PRSS8: variants seen among roughly 807,000 people sequenced by gnomAD.
The protein encoded by PRSS8 is serine protease 8.
A neutral mutation model predicts 26.7 loss-of-function variants in PRSS8; 11 were observed. That is an observed-to-expected ratio of 0.41 (90% CI 0.26 to 0.68). PRSS8 has a LOEUF of 0.68. Ranked by LOEUF, PRSS8 falls within the 30% of genes least tolerant of loss-of-function variation. PRSS8 has a pLI of 0.30. For missense variants in PRSS8, 362 were observed against 443.5 expected, an observed-to-expected ratio of 0.82 and a Z score of 1.65; for synonymous variants, 183 against 187.0, an observed-to-expected ratio of 0.98 and a Z score of 0.17.
Position 31,132,836 on chromosome 16 carries a change from CTGG to C in PRSS8, c.381_383del (p.Gln128del). 1.2e-6 allele frequency: 2 copies of C among 1,613,822 alleles called. No homozygotes were observed. The highest frequency in any genetic ancestry group is 1.7e-6 in the Non-Finnish European group (2 of 1,179,814). On this transcript the variant is annotated inframe_deletion, in exon 4 of 6. Transcript: ENST00000317508. This position sits in a 1 kb window ranked among gnomAD's most constrained non-coding sequence, Gnocchi z 5.2. ...GTGCAATGTCGCCCTGGGAGCCCTC[CTGG>C]AGGTAGCTGGGGTGGGGGATGATGT...
Position 31,132,526 on chromosome 16 carries a change from C to T in PRSS8, c.608G>A (p.Cys203Tyr). ...AGGCTTGGCGTCGATGTTGTACAGG[C>T]AGTTACACGTCTCACGACTGATCAG... is the stretch of plus-strand genomic sequence containing the variant. ...VPLISRETCNCLYNIDAKPEE... is the reference protein window; with the variant it reads ...VPLISRETCNYLYNIDAKPEE... Residue 203 changes from cysteine to tyrosine, a missense_variant, in exon 5 of 6, where the codon TGC (cysteine) becomes TAC (tyrosine). Transcript: ENST00000317508. The surrounding 1 kb of genome is among the most constrained non-coding windows in gnomAD (Gnocchi z 5.2). The T allele has an allele frequency of 6.2e-7, 1 of 1,614,052 alleles. No homozygotes were observed.
At position 31,133,232 on chromosome 16, in the gene PRSS8, A is replaced by G; in HGVS notation, c.260T>C (p.Phe87Ser). 1 of 1,613,894 alleles carries G rather than the reference A, an allele frequency of 6.2e-7. No homozygotes were observed. Among genetic ancestry groups the G allele is most frequent in the Non-Finnish European group, 8.5e-7 (1 of 1,179,872 alleles). The change falls in exon 3 of 6, where the codon TTC becomes TCC. Residue 87 changes from phenylalanine (F) to serine (S), a missense_variant. Physicochemically the swap from Phe to Ser is radical, Grantham distance 155 (BLOSUM62 -2). Transcript: ENST00000317508. The surrounding 1 kb of genome is among the most constrained non-coding windows in gnomAD (Gnocchi z 4.7). Reference protein sequence around the residue: ...EQWVLSAAHCFPSEHHKEAYE... With the variant: ...EQWVLSAAHCSPSEHHKEAYE... Reference sequence around the variant, plus strand: ...GACTTTCACCATTTGGTACCTGGGGAAGCAGTGAGCAGCTGACAGCACCCA... The same window carrying G: ...GACTTTCACCATTTGGTACCTGGGGGAGCAGTGAGCAGCTGACAGCACCCA...
chr16:31,133,072 C>T lies in PRSS8; in HGVS notation c.267-119G>A, dbSNP rs1235933814. ...GTCTCAAATTGCACCTTAGTTTTAT[C>T]ATGTAACCTCTGACCCCTCACCTTC... On this transcript the variant is annotated intron_variant, in intron 3 of 5. Coordinates refer to ENST00000317508, the MANE Select transcript of PRSS8 (RefSeq NM_002773.5). The surrounding 1 kb of genome is among the most constrained non-coding windows in gnomAD (Gnocchi z 4.7). The T allele has an allele frequency of 3.8e-6, 6 of 1,576,312 alleles. No homozygotes were observed. In the South Asian group the frequency reaches 6.7e-5, roughly 18 times the overall value.
intron 2 of PRSS8, 196 bp downstream of exon 2, chr16:31,134,958 T>G (rs2057597815): frequency 1.6e-6 from 1 of 643,598 alleles, no homozygotes; most frequent in Admixed American, 3.0e-5. Flanking sequence ...CAGCTGCACC[T>G]TCACTGGCAG....
rs781534380 is a variant in PRSS8 at position 31,135,197 on chromosome 16, G to A, written c.86-26C>T. The A allele has an allele frequency of 4.3e-6, 7 of 1,612,628 alleles. No homozygotes were observed. The African/African-American group carries it at 5.3e-5, about 12-fold the overall frequency. On this transcript the variant is annotated intron_variant, in intron 1 of 5. Coordinates refer to ENST00000317508, the MANE Select transcript of PRSS8 (RefSeq NM_002773.5). ...CTAGAAAGAAAGAGAAAGAGGAGGG[G>A]TGAGTAGGGAAGACTCGGGTTCCCT...
chr16:31,131,924 T>A lies in PRSS8; in HGVS notation c.*85A>T. On this transcript the variant is annotated 3_prime_UTR_variant, in exon 6 of 6. Transcript: ENST00000317508. The stretch of plus-strand genomic sequence containing the variant: ...GTCCTGAAGGAAGGAGTGGCTCAAG[T>A]CAGGCCCTGGGTCCAAAGGCCATCA... 7.2e-7 allele frequency: 1 copy of A among 1,396,154 alleles called. No individual in the cohort carries two copies. Among genetic ancestry groups the A allele is most frequent in the Non-Finnish European group, 9.5e-7 (1 of 1,051,912 alleles). 86.5% of individuals were successfully genotyped at this position (1,396,154 alleles called of 1,614,324 possible). A position where few individuals can be genotyped will look rare whatever the true frequency, so the allele number is the denominator to read the frequency against.
chr16:31,132,610 G>A lies in PRSS8; in HGVS notation c.539-15C>T. The A allele has an allele frequency of 3.1e-6, 5 of 1,613,838 alleles. No homozygotes were observed. The highest frequency in any genetic ancestry group is 4.2e-6 in the Non-Finnish European group (5 of 1,179,780). On this transcript the variant is annotated splice_polypyrimidine_tract_variant and intron_variant, in intron 4 of 5. Transcript: ENST00000317508. The surrounding 1 kb of genome is among the most constrained non-coding windows in gnomAD (Gnocchi z 5.2). ...CAGGAGGCTCACTGTGGGGGTAAAA[G>A]AGGCTTACCCTGGGCCCCTCCCCAA...
chr16:31,131,930 C>G lies in PRSS8; in HGVS notation c.*79G>C. 1 of 1,421,138 alleles carries G rather than the reference C, an allele frequency of 7.0e-7. No individual in the cohort carries two copies. Among genetic ancestry groups the G allele is most frequent in the Non-Finnish European group, 9.3e-7 (1 of 1,071,870 alleles). 88.0% of individuals were successfully genotyped at this position (1,421,138 alleles called of 1,614,324 possible). On this transcript the variant is annotated 3_prime_UTR_variant, in exon 6 of 6. Coordinates refer to ENST00000317508, the MANE Select transcript of PRSS8 (RefSeq NM_002773.5). ...AAGGAAGGAGTGGCTCAAGTCAGGC[C>G]CTGGGTCCAAAGGCCATCAGGGAAG...
At position 31,135,217 on chromosome 16, in the gene PRSS8, T is replaced by C. The variant is rs1003783911; in HGVS notation, c.86-46A>G. The C allele has an allele frequency of 2.5e-6, 4 of 1,612,038 alleles. No individual in the cohort carries two copies. In the East Asian group the frequency reaches 8.9e-5, roughly 36 times the overall value. On this transcript the variant is annotated intron_variant, in intron 1 of 5. Coordinates refer to ENST00000317508, the MANE Select transcript of PRSS8 (RefSeq NM_002773.5). Reference sequence around the variant, plus strand: ...GAGGGGTGAGTAGGGAAGACTCGGGTTCCCTGACCCCTTAGTACCCACCAC... The same window carrying C: ...GAGGGGTGAGTAGGGAAGACTCGGGCTCCCTGACCCCTTAGTACCCACCAC...
rs2057581722 is a variant in PRSS8 at position 31,131,832 on chromosome 16, T to C, written c.*177A>G. On this transcript the variant is annotated 3_prime_UTR_variant, in exon 6 of 6. Coordinates refer to ENST00000317508, the MANE Select transcript of PRSS8 (RefSeq NM_002773.5). ...CAGTAAAACTCCTGACTCTCAGTGA[T>C]GGTCCCAAAAAGCACACCCAGAAGA... The C allele has an allele frequency of 3.0e-6, 2 of 666,676 alleles. No individual in the cohort carries two copies. Among genetic ancestry groups the C allele is most frequent in the African/African-American group, 3.6e-5 (2 of 55,110 alleles). The allele number at this position is 666,676 out of a possible 1,614,324, so 41.3% of individuals were successfully genotyped here.
intron 1 of PRSS8, 83 bp downstream of exon 1, chr16:31,135,331 C>T: frequency 1.3e-6 from 2 of 1,572,804 alleles, no homozygotes; most frequent in East Asian, 2.3e-5. Context: ...TCTTGGGCCC[C>T]AGACAAGGGC....
intron 2 of PRSS8, chr16:31,134,812 G>A: frequency 3.2e-6 from 1 of 317,178 alleles, no homozygotes; most frequent in Non-Finnish European, 6.0e-6. Context: ...CACTGAGACT[G>A]CAGTGAGCTG....
At position 31,131,671 on chromosome 16, in the gene PRSS8, G is replaced by A. The variant is rs934118491; in HGVS notation, c.*338C>T. The A allele has an allele frequency of 3.2e-5, 13 of 406,632 alleles. No individual in the cohort carries two copies. Among genetic ancestry groups the A allele is most frequent in the Admixed American group, 1.2e-4 (3 of 24,492 alleles). 25.2% of individuals were successfully genotyped at this position (406,632 alleles called of 1,614,324 possible). ...GCTCATCAGTCTGGGCAGGCGGGCC[G>A]GGAGCAGTCTTCCAGAAACAGGTGG... On this transcript the variant is annotated 3_prime_UTR_variant, in exon 6 of 6. Coordinates refer to ENST00000317508, the MANE Select transcript of PRSS8 (RefSeq NM_002773.5).
chr16:31,135,539 A>G lies in PRSS8; in HGVS notation c.-41T>C, dbSNP rs995194749. 6.8e-7 allele frequency: 1 copy of G among 1,473,554 alleles called. No individual in the cohort carries two copies. The highest frequency in any genetic ancestry group is 2.5e-5 in the East Asian group (1 of 40,630). The allele number at this position is 1,473,554 out of a possible 1,614,324, so 91.3% of individuals were successfully genotyped here. On this transcript the variant is annotated 5_prime_UTR_variant, in exon 1 of 6. Coordinates refer to ENST00000317508, the MANE Select transcript of PRSS8 (RefSeq NM_002773.5). ...CCCCTGGGGCAGACTCCAGGCACGC[A>G]AGGTAGGAAGCCTTGGGGTGGTGTC... is the stretch of plus-strand genomic sequence containing the variant.
chr16:31,132,950 C>T lies in PRSS8; in HGVS notation c.270G>A (p.Glu90=). ...TGACCTCATAGGCTTCCTTGTGGTG[C>T]TCGCTGCAGGCAGGGGGCAAAGGCT... ...VLSAAHCFPS[E]HHKEAYEVKL... The change falls in exon 4 of 6, where the codon GAG becomes GAA. Residue 90 remains glutamate (E), a synonymous_variant. Transcript: ENST00000317508. This position sits in a 1 kb window ranked among gnomAD's most constrained non-coding sequence, Gnocchi z 5.2. The T allele has an allele frequency of 1.2e-6, 2 of 1,605,366 alleles. No individual in the cohort carries two copies. Among genetic ancestry groups the T allele is most frequent in the East Asian group, 2.2e-5 (1 of 44,734 alleles).
At chr16:31,134,927 G>T in intron 2 of PRSS8, 1 of 587,534 alleles carries the variant, frequency 1.7e-6, no homozygotes, top group Non-Finnish European at 3.0e-6. Context: ...CACTTTGGGA[G>T]TCAGACGTGG....
chr16:31,131,991 C>A lies in PRSS8; in HGVS notation c.*18G>T. On this transcript the variant is annotated 3_prime_UTR_variant, in exon 6 of 6. Transcript: ENST00000317508. The stretch of plus-strand genomic sequence containing the variant: ...CTGTCCTTGAGTGTGATGCATCCAT[C>A]CTGGAAGTAGGGCCAGCTCAGTGCT... 1 of 1,527,442 alleles carries A rather than the reference C, an allele frequency of 6.5e-7. No homozygotes were observed. Among genetic ancestry groups the A allele is most frequent in the South Asian group, 1.3e-5 (1 of 79,348 alleles). The allele number at this position is 1,527,442 out of a possible 1,614,324, so 94.6% of individuals were successfully genotyped here. A position where few individuals can be genotyped will look rare whatever the true frequency, so the allele number is the denominator to read the frequency against.
rs764793052 is a variant in PRSS8 at position 31,132,427 on chromosome 16, A to C, written c.705+2T>G. 6.2e-7 allele frequency: 1 copy of C among 1,613,734 alleles called. No homozygotes were observed. The highest frequency in any genetic ancestry group is 8.5e-7 in the Non-Finnish European group (1 of 1,179,700). On this transcript the variant is annotated splice_donor_variant, in intron 5 of 5. Transcript: ENST00000317508. LOFTEE classifies it high-confidence loss of function. This position sits in a 1 kb window ranked among gnomAD's most constrained non-coding sequence, Gnocchi z 5.2. ...TCATCTGCCCCCCGGGCCTGTGCTT[A>C]CCTGGCAGGCGTCCTTGCCCCCCTC...
At position 31,135,485 on chromosome 16, in the gene PRSS8, C is replaced by T; in HGVS notation, c.14G>A (p.Gly5Glu). ...CCCCAGCTGCCCAGGCCCCAGGACC[C>T]CCTTCTGGGCCATGGCCCAGGACAA... is the stretch of plus-strand genomic sequence containing the variant. MAQK[G>E]VLGPGQLGAV... Residue 5 changes from glycine to glutamate, a missense_variant, in exon 1 of 6, where the codon GGG (glycine) becomes GAG (glutamate). Gly to Glu is a moderately conservative substitution (Grantham distance 98). Transcript: ENST00000317508. 6.4e-7 allele frequency: 1 copy of T among 1,568,624 alleles called. No homozygotes were observed. Among genetic ancestry groups the T allele is most frequent in the South Asian group, 1.2e-5 (1 of 85,480 alleles).
Sources: allele counts gnomAD v4.1 joint callset, GRCh38; gene constraint gnomAD v4.1.1; non-coding constraint Gnocchi (gnomAD v3.1); transcripts MANE v1.5; gene names NCBI Gene and HGNC (gene_info 2026-07-23, HGNC 2026-07-21).